TSHR: variants seen among roughly 807,000 people sequenced by gnomAD.
TSHR encodes thyrotropin receptor.
Under a neutral mutation model 64.1 loss-of-function variants are expected in TSHR, and 51 were observed. That is an observed-to-expected ratio of 0.80 (90% CI 0.64 to 1.01). The LOEUF is 1.01. TSHR is among the 50% of genes least tolerant of loss of function. The pLI, the probability that TSHR is intolerant of heterozygous loss-of-function variation, is 0.00. For missense variants in TSHR, 877 were observed against 942.8 expected (o/e 0.93, Z 0.91); for synonymous variants, 361 against 361.9 (o/e 1.00, Z 0.03).
At chr14:81,011,223 C>CTT (rs5810009) in intron 1 of TSHR, among the ~76,000 whole-genome samples, 26,808 of 150,492 alleles carry the variant, frequency 0.18, 2,968 homozygotes, top group Admixed American at 0.26. Context: ...TTTCTTCTTT[C>CTT]TTTTTTTTTC....
chr14:80,985,145 G>C (rs1888375412), intron 1 of TSHR, among the ~76,000 whole-genome samples: 1 of 152,236 alleles, frequency 6.6e-6, no homozygotes. Flanking sequence ...AGCTACTCAG[G>C]AGGCTGAGGC....
intron 1 of TSHR, chr14:80,991,682 TAAC>T: frequency 7.5e-6 from 3 of 398,016 alleles, no homozygotes; most frequent in Non-Finnish European, 1.3e-5. Context: ...AGTTACCAGA[TAAC>T]AACAAGTGAT....
At chr14:81,025,203 A>G (rs1435951711) in intron 1 of TSHR, among the ~76,000 whole-genome samples, 4 of 152,204 alleles carry the variant, frequency 2.6e-5, no homozygotes, top group African/African-American at 9.7e-5. Flanking sequence ...TTAACTTTTT[A>G]TAATAGATTT....
chr14:81,111,141 G>A (rs1890208422), intron 8 of TSHR, among the ~76,000 whole-genome samples: 1 of 152,184 alleles, frequency 6.6e-6, no homozygotes, highest in East Asian at 1.9e-4. Flanking sequence ...AAGACCAATA[G>A]TGTAGACCAG....
At chr14:81,141,317 T>C (rs733234) in intron 9 of TSHR, among the ~76,000 whole-genome samples, 49,883 of 152,068 alleles carry the variant, frequency 0.33, 8,647 homozygotes, top group African/African-American at 0.45. Flanking sequence ...GTCTAGATTT[T>C]TCCCTAGCCT....
intron 7 of TSHR, chr14:81,107,136 T>C (rs1320138533): frequency 3.9e-5 from 6 of 152,148 alleles, no homozygotes; most frequent in Non-Finnish European, 7.3e-5. Context: ...CGAAGACTCA[T>C]GCCTGGGTCC....
At chr14:81,122,816 G>A (rs573564639) in intron 8 of TSHR, among the ~76,000 whole-genome samples, 164 of 152,214 alleles carry the variant, frequency 1.1e-3, no homozygotes, top group African/African-American at 3.7e-3. Context: ...TTAAAAATAG[G>A]TCCATGCATT....
At chr14:81,023,207 G>A (rs1883864806) in intron 1 of TSHR, among the ~76,000 whole-genome samples, 1 of 152,196 alleles carries the variant, frequency 6.6e-6, no homozygotes, top group East Asian at 1.9e-4. Flanking sequence ...CTTCCTGCCT[G>A]ACTGCTTGAT....
At chr14:81,091,664 GA>G (rs1888747373) in intron 5 of TSHR, among the ~76,000 whole-genome samples, 1 of 152,194 alleles carries the variant, frequency 6.6e-6, no homozygotes, top group Admixed American at 6.5e-5. Flanking sequence ...TCCCACACAT[GA>G]CATTTGCTCC....
chr14:81,096,224 A>G (rs1300324509), intron 6 of TSHR, among the ~76,000 whole-genome samples: 1 of 152,186 alleles, frequency 6.6e-6, no homozygotes, highest in Non-Finnish European at 1.5e-5. Flanking sequence ...AGAAAAATAA[A>G]AACATACGCA....
chr14:81,010,795 T>C (rs1162443045), intron 1 of TSHR, among the ~76,000 whole-genome samples: 1 of 152,220 alleles, frequency 6.6e-6, no homozygotes, highest in Admixed American at 6.6e-5. Context: ...GCTATATTTT[T>C]GGTATATGGC....
chr14:81,010,722 A>G (rs1271731030), intron 1 of TSHR, among the ~76,000 whole-genome samples: 1 of 152,156 alleles, frequency 6.6e-6, no homozygotes, highest in African/African-American at 2.4e-5. Flanking sequence ...TTGAATAGCA[A>G]CATTCTGTCT....
At chr14:81,007,773 CCTTA>C (rs777716328) in intron 1 of TSHR, among the ~76,000 whole-genome samples, 61 of 152,250 alleles carry the variant, frequency 4.0e-4, no homozygotes, top group Non-Finnish European at 7.9e-4. Context: ...CTAGTTTGTT[CCTTA>C]TAATCAATGA....
At chr14:80,989,859 T>A (rs142830470) in intron 1 of TSHR, among the ~76,000 whole-genome samples, 15 of 152,286 alleles carry the variant, frequency 9.8e-5, no homozygotes, top group African/African-American at 2.9e-4. Flanking sequence ...AGAGTAAATG[T>A]CTTGCTCAAG....
At chr14:81,122,641 A>G (rs1890851956) in intron 8 of TSHR, among the ~76,000 whole-genome samples, 1 of 152,142 alleles carries the variant, frequency 6.6e-6, no homozygotes. Context: ...CATCTTCTAT[A>G]GTAGAGAGTT....
In TSHR at chr14:80,976,170, C is replaced by T. The variant is rs554975774; in HGVS notation, c.170+20320C>T. 1.2e-4 allele frequency among the ~76,000 whole-genome samples: 19 copies of T among 152,342 alleles called. No individual in the cohort carries two copies. The South Asian group carries it at 1.9e-3, about 15-fold the overall frequency. ...TCGTGATCCGCCCGCCTCGGCCTCC[C>T]AAAGTGCTGGGATTACAGGCGTGAG... On this transcript the variant is annotated intron_variant, in intron 1 of 9. Transcript: ENST00000298171.
chr14:81,021,773 A>G (rs1191750340), intron 1 of TSHR, among the ~76,000 whole-genome samples: 1 of 152,216 alleles, frequency 6.6e-6, no homozygotes, highest in Non-Finnish European at 1.5e-5. Context: ...ACTTTTAAAT[A>G]TGTAAAATGT....
intron 2 of TSHR, 90 bp downstream of exon 2, chr14:81,062,309 T>C (rs1886303701): frequency 3.2e-6 from 3 of 941,828 alleles, no homozygotes; most frequent in Non-Finnish European, 4.9e-6. Context: ...GGTATTATAC[T>C]TGCATAAATC....
At chr14:81,059,569 C>A (rs1267873964) in intron 1 of TSHR, among the ~76,000 whole-genome samples, 1 of 152,040 alleles carries the variant, frequency 6.6e-6, no homozygotes, top group African/African-American at 2.4e-5. Context: ...TTTGTCCCAG[C>A]GTGTTATCAT....
Sources: allele counts gnomAD v4.1 joint callset (sites outside exome capture counted in the v4.1 genomes callset), GRCh38; gene constraint gnomAD v4.1.1; transcripts MANE v1.5; gene names NCBI Gene and HGNC (gene_info 2026-07-23, HGNC 2026-07-21).